Variants in SASH1 observed in about 807,000 individuals in gnomAD.
The protein encoded by SASH1 is SAM and SH3 domain containing 1.
Under a neutral mutation model 125.2 loss-of-function variants are expected in SASH1, and 44 were observed. The observed-to-expected ratio is 0.35, with a 90% CI of 0.28 to 0.45. The LOEUF is 0.45. Among genes scored for constraint, SASH1 ranks in the 20% least tolerant of loss-of-function variants. The probability of loss-of-function intolerance (pLI) is 1.00; values close to 1 mark genes in which losing one functional copy is unlikely to be tolerated. For missense variants in SASH1, 1,426 were observed against 1,614.5 expected (o/e 0.88, Z 2.00); for synonymous variants, 639 against 649.1 (o/e 0.98, Z 0.24).
chr6:148,301,628 G>C (rs1779947951), intron 1 of SASH1, among the ~76,000 whole-genome samples: 1 of 151,584 alleles, frequency 6.6e-6, no homozygotes, highest in South Asian at 2.1e-4. Flanking sequence ...GCCCAGGCTG[G>C]AGTGCAGTGT....
chr6:148,298,652 A>AG (rs1562312072), intron 1 of SASH1, among the ~76,000 whole-genome samples: 1 of 68,582 alleles, frequency 1.5e-5, no homozygotes, highest in Non-Finnish European at 2.8e-5. Flanking sequence ...GAAGGAAGGG[A>AG]GGGAGGGAGG....
At chr6:148,543,416 C>T (rs921535172) in intron 17 of SASH1, among the ~76,000 whole-genome samples, 1 of 152,200 alleles carries the variant, frequency 6.6e-6, no homozygotes, top group South Asian at 2.1e-4. Flanking sequence ...CTGCTTGACA[C>T]AGCGTATTTC....
At chr6:148,300,685 G>T (rs941169231) in intron 1 of SASH1, among the ~76,000 whole-genome samples, 2 of 151,916 alleles carry the variant, frequency 1.3e-5, no homozygotes, top group Non-Finnish European at 2.9e-5. Flanking sequence ...GTTTTACCAC[G>T]TTGGCTAGGC....
intron 2 of SASH1, among the ~76,000 whole-genome samples, chr6:148,421,313 A>AT (rs1284610103): frequency 6.6e-6 from 1 of 151,940 alleles, no homozygotes; most frequent in Non-Finnish European, 1.5e-5. Flanking sequence ...TTTATTTATT[A>AT]TTTTTTCTGA....
In SASH1 at chr6:148,306,807, CT is replaced by C. The variant is rs1780140188; in HGVS notation, n.74+34431del. On this transcript the variant is annotated intron_variant and non_coding_transcript_variant, in intron 1 of 3. Transcript: ENST00000367469. Reference sequence around the variant, plus strand: ...AGAACCCCTGTGTCTCAGAAACCAGCTGCACTCAAGAATTGGGAGAGCTTCA... The same window carrying C: ...AGAACCCCTGTGTCTCAGAAACCAGCGCACTCAAGAATTGGGAGAGCTTCA... 1.3e-5 allele frequency among the ~76,000 whole-genome samples: 2 copies of C among 152,144 alleles called. 1 individual carries two copies. The highest frequency in any genetic ancestry group is 4.1e-4 in the South Asian group (2 of 4,822).
At chr6:148,197,832 C>T in the SASH1 span, among the ~76,000 whole-genome samples, 17 of 152,064 alleles carry the variant, frequency 1.1e-4, no homozygotes, top group African/African-American at 3.9e-4. Context: ...AGTGAGTTCT[C>T]ACAAGATCTG....
At chr6:148,408,594 A>T (rs1427344302) in intron 2 of SASH1, among the ~76,000 whole-genome samples, 1 of 152,140 alleles carries the variant, frequency 6.6e-6, no homozygotes, top group Non-Finnish European at 1.5e-5. Flanking sequence ...ATCAGATATG[A>T]TTTGCAAATA....
chr6:148,398,257 A>G (rs1202988995), intron 2 of SASH1, among the ~76,000 whole-genome samples: 1 of 152,230 alleles, frequency 6.6e-6, no homozygotes, highest in Non-Finnish European at 1.5e-5. Context: ...AAACAGAATA[A>G]ATTGCCATTT....
chr6:148,419,146 G>A (rs151003525), intron 2 of SASH1, among the ~76,000 whole-genome samples: 129 of 152,326 alleles, frequency 8.5e-4, no homozygotes, highest in African/African-American at 2.0e-3. Flanking sequence ...GCATTTACAT[G>A]TGAAGGCCAT....
At chr6:148,320,225 G>A (rs927879321) in intron 1 of SASH1, among the ~76,000 whole-genome samples, 2 of 152,170 alleles carry the variant, frequency 1.3e-5, no homozygotes, top group African/African-American at 4.8e-5. Context: ...ATCCCCTAAG[G>A]ATAAAGGGAG....
In SASH1 at chr6:148,512,011, T is replaced by TTATTTATC. The variant is rs1554267048; in HGVS notation, c.730-2306_730-2305insCTATTTAT. On this transcript the variant is annotated intron_variant, in intron 8 of 19. Coordinates refer to ENST00000367467, the MANE Select transcript of SASH1 (RefSeq NM_015278.5). ...ATTTTCATTTGATTTCAACATTTAT[T>TTATTTATC]TATTTATTTATTTATTTATTTTTTT... is the stretch of plus-strand genomic sequence containing the variant. Among the ~76,000 whole-genome samples the TTATTTATC allele has an allele frequency of 9.4e-4, 142 of 151,162 alleles. 2 individuals are homozygous for TTATTTATC. The highest frequency in any genetic ancestry group is 3.3e-3 in the African/African-American group (134 of 41,226).
chr6:148,242,690 A>G, the SASH1 span, among the ~76,000 whole-genome samples: 1 of 152,292 alleles, frequency 6.6e-6, no homozygotes, highest in Admixed American at 6.5e-5. Context: ...TGCCACTATA[A>G]CAAATACATA....
Position 148,550,710 on chromosome 6 carries a change from C to G in SASH1, c.*2152C>G, listed in dbSNP as rs1484054437. On this transcript the variant is annotated 3_prime_UTR_variant, in exon 20 of 20. Coordinates refer to ENST00000367467, the MANE Select transcript of SASH1 (RefSeq NM_015278.5). ...AGGGTTCTTGTATAGCTAAAGCGTT[C>G]AATGCATTTCACGTGCTGTGGTGGA... 1.3e-5 allele frequency: 2 copies of G among 152,250 alleles called. No homozygotes were observed. The highest frequency in any genetic ancestry group is 4.8e-5 in the African/African-American group (2 of 41,452). 9.4% of individuals were successfully genotyped at this position (152,250 alleles called of 1,614,324 possible). A position where few individuals can be genotyped will look rare whatever the true frequency, so the allele number is the denominator to read the frequency against.
At chr6:148,414,364 G>A (rs1784740172) in intron 2 of SASH1, among the ~76,000 whole-genome samples, 1 of 151,948 alleles carries the variant, frequency 6.6e-6, no homozygotes, top group Non-Finnish European at 1.5e-5. Context: ...GGATGAGGGC[G>A]AGGGTGAATG....
At chr6:148,314,385 T>C (rs1780422996) in intron 1 of SASH1, among the ~76,000 whole-genome samples, 1 of 152,202 alleles carries the variant, frequency 6.6e-6, no homozygotes, top group Non-Finnish European at 1.5e-5. Flanking sequence ...CTTTAAACTG[T>C]ATCAGGTTCC....
chr6:148,525,769 G>C (rs957333261), intron 11 of SASH1, among the ~76,000 whole-genome samples: 4 of 152,188 alleles, frequency 2.6e-5, no homozygotes, highest in Non-Finnish European at 5.9e-5. Flanking sequence ...AAGAGTATGT[G>C]CTGGCATTTT....
At chr6:148,548,221 C>G in intron 19 of SASH1, 74 bp from the exon 20 acceptor site, 1 of 1,382,030 alleles carries the variant, frequency 7.2e-7, no homozygotes, top group Non-Finnish European at 9.9e-7. Context: ...AGTGCTGTTC[C>G]TTTTAGACAT....
At chr6:148,368,770 G>GCGCGCGCGCACACACACACACACACACA (rs1554245330) in intron 1 of SASH1, among the ~76,000 whole-genome samples, 2 of 135,644 alleles carry the variant, frequency 1.5e-5, no homozygotes, top group Admixed American at 7.5e-5. Context: ...GCACGCGCGC[G>GCGCGCGCGCACACACACACACACACACA]CACACACACA....
At chr6:148,443,475 A>ATATTTT (rs1776638987) in intron 4 of SASH1, among the ~76,000 whole-genome samples, 1 of 139,694 alleles carries the variant, frequency 7.2e-6, no homozygotes, top group Non-Finnish European at 1.5e-5. Flanking sequence ...TACATATTAT[A>ATATTTT]TATTTTTATA....
Sources: allele counts gnomAD v4.1 joint callset (sites outside exome capture counted in the v4.1 genomes callset), GRCh38; gene constraint gnomAD v4.1.1; transcripts MANE v1.5; gene names NCBI Gene and HGNC (gene_info 2026-07-23, HGNC 2026-07-21).